MYBL2: variants seen among roughly 807,000 people sequenced by gnomAD.
The protein encoded by MYBL2 is MYB proto-oncogene like 2.
Under a neutral mutation model 79.9 loss-of-function variants are expected in MYBL2, and 28 were observed. That is an observed-to-expected ratio of 0.35 (90% CI 0.26 to 0.48). The LOEUF (loss-of-function observed/expected upper bound fraction) is 0.48, where lower values mean the gene tolerates loss of function less well. MYBL2 is among the 20% of genes least tolerant of loss of function. MYBL2 has a pLI of 0.99. For missense variants in MYBL2, 735 were observed against 893.9 expected, an observed-to-expected ratio of 0.82 and a Z score of 2.27; for synonymous variants, 378 against 361.2, an observed-to-expected ratio of 1.05 and a Z score of -0.53.
At chr20:43,680,581 TC>T (rs1443265660) in intron 2 of MYBL2, among the ~76,000 whole-genome samples, 3 of 152,132 alleles carry the variant, frequency 2.0e-5, no homozygotes, top group African/African-American at 7.2e-5. Context: ...CACTGCAACC[TC>T]CGCCTCCCAG....
At chr20:43,695,599 C>T (rs1351433507) in intron 6 of MYBL2, among the ~76,000 whole-genome samples, 1 of 151,980 alleles carries the variant, frequency 6.6e-6, no homozygotes, top group Non-Finnish European at 1.5e-5. Flanking sequence ...TTCCTGTAAT[C>T]CCAGCACTTT....
intron 6 of MYBL2, among the ~76,000 whole-genome samples, chr20:43,695,917 C>T (rs757582884): frequency 4.6e-5 from 7 of 152,024 alleles, no homozygotes; most frequent in Admixed American, 6.6e-5. Flanking sequence ...GGCTGAGGCA[C>T]GATAATTGAG....
At chr20:43,715,869 A>T in intron 13 of MYBL2, 90 bp from the exon 14 acceptor site, 1 of 1,480,826 alleles carries the variant, frequency 6.8e-7, no homozygotes, top group Admixed American at 2.3e-5. Context: ...AGGGAGGCTT[A>T]TAACTCTACC....
chr20:43,681,898 C>G (rs779801129), intron 3 of MYBL2, 43 bp downstream of exon 3: 1 of 1,599,018 alleles, frequency 6.3e-7, no homozygotes, highest in South Asian at 1.1e-5. Context: ...GGCAAGGGCT[C>G]TGGGAGAACA....
At chr20:43,680,397 T>G (rs1436782072) in intron 2 of MYBL2, among the ~76,000 whole-genome samples, 1 of 152,262 alleles carries the variant, frequency 6.6e-6, no homozygotes, top group African/African-American at 2.4e-5. Context: ...GCTATTTGAC[T>G]TAGCATAGTG....
At chr20:43,668,188 T>C (rs1232664322) in intron 1 of MYBL2, among the ~76,000 whole-genome samples, 1 of 133,938 alleles carries the variant, frequency 7.5e-6, no homozygotes, top group East Asian at 2.2e-4. Context: ...ATAACCTTCG[T>C]TCCCTCTTTT....
intron 2 of MYBL2, among the ~76,000 whole-genome samples, chr20:43,676,879 T>G (rs550056652): frequency 1.4e-5 from 2 of 138,822 alleles, no homozygotes; most frequent in South Asian, 2.2e-4. Context: ...TAGGATTGGG[T>G]TTTTTTTTTT....
intron 6 of MYBL2, among the ~76,000 whole-genome samples, chr20:43,693,892 A>G (rs192970492): frequency 2.6e-5 from 4 of 152,240 alleles, no homozygotes; most frequent in Non-Finnish European, 5.9e-5. Context: ...TTCTATAAAA[A>G]GGAAAATTAG....
At chr20:43,673,963 G>T (rs933890834) in intron 2 of MYBL2, 64 bp downstream of exon 2, 2 of 1,382,232 alleles carry the variant, frequency 1.4e-6, no homozygotes, top group Non-Finnish European at 2.0e-6. Context: ...ACTGAGCCTG[G>T]AGTGTATTTG....
chr20:43,705,374 C>T lies in MYBL2; in HGVS notation c.1505+16C>T, dbSNP rs754453764. 6 of 1,587,394 alleles carry T rather than the reference C, an allele frequency of 3.8e-6. No individual in the cohort carries two copies. The highest frequency in any genetic ancestry group is 5.2e-6 in the Non-Finnish European group (6 of 1,163,846). On this transcript the variant is annotated intron_variant, in intron 9 of 13. Transcript: ENST00000217026. ...AACATGCTGCGTGAGTGCTGCAGTGCCCCCAACCTTCGCCGTCCTCTCCCT... is the reference window on the plus strand; with the variant it reads ...AACATGCTGCGTGAGTGCTGCAGTGTCCCCAACCTTCGCCGTCCTCTCCCT...
At chr20:43,668,596 G>C (rs1986780786) in intron 1 of MYBL2, among the ~76,000 whole-genome samples, 1 of 151,884 alleles carries the variant, frequency 6.6e-6, no homozygotes, top group South Asian at 2.1e-4. Flanking sequence ...AGGGATCTGA[G>C]CACAGGGACT....
intron 5 of MYBL2, among the ~76,000 whole-genome samples, chr20:43,690,214 T>G (rs1987374784): frequency 6.6e-6 from 1 of 151,830 alleles, no homozygotes; most frequent in Non-Finnish European, 1.5e-5. Flanking sequence ...TTGTTTGTTT[T>G]TTGTTTTTTG....
chr20:43,686,796 T>C, intron 4 of MYBL2, 56 bp from the exon 5 acceptor site: 1 of 1,545,202 alleles, frequency 6.5e-7, no homozygotes, highest in Non-Finnish European at 8.9e-7. Flanking sequence ...TGAAGGGCTA[T>C]GGTGGGGGCG....
rs562760220 is a variant in MYBL2 at position 43,711,006 on chromosome 20, C to T, written c.1606-482C>T. Among the ~76,000 whole-genome samples, 38 of 152,300 alleles carry T rather than the reference C, an allele frequency of 2.5e-4. 1 individual carries two copies. The highest frequency in any genetic ancestry group is 4.6e-4 in the Non-Finnish European group (31 of 68,032). ...CGCACCTTTCACTCTTAGTAGCACT[C>T]GCCCTCCCCTGTTCTCTGTTGCCTG... On this transcript the variant is annotated intron_variant, in intron 10 of 13. Transcript: ENST00000217026.
chr20:43,715,858 G>A (rs1988019299), intron 13 of MYBL2, 101 bp from the exon 14 acceptor site: 6 of 1,427,628 alleles, frequency 4.2e-6, no homozygotes, highest in South Asian at 1.4e-5. Flanking sequence ...GCTTCTAGGG[G>A]AGGGAGGCTT....
At chr20:43,681,762 C>G in intron 2 of MYBL2, 22 bp from the exon 3 acceptor site, 9 of 1,614,090 alleles carry the variant, frequency 5.6e-6, no homozygotes, top group Non-Finnish European at 7.6e-6. Context: ...GTGCTGAGCC[C>G]CTGTCTTTCT....
intron 5 of MYBL2, 110 bp from the exon 6 acceptor site, chr20:43,692,047 G>T (rs1224997568): frequency 1.0e-6 from 1 of 984,578 alleles, no homozygotes; most frequent in Non-Finnish European, 1.5e-6. Context: ...TTCATCTAGT[G>T]GAAGATTCAT....
chr20:43,715,105 G>A, intron 12 of MYBL2, 29 bp from the exon 13 acceptor site: 2 of 1,610,290 alleles, frequency 1.2e-6, no homozygotes, highest in South Asian at 1.1e-5. Flanking sequence ...TCGCAAAATG[G>A]TGACTCCTTG....
At chr20:43,679,547 T>C (rs1328457159) in intron 2 of MYBL2, among the ~76,000 whole-genome samples, 2 of 151,998 alleles carry the variant, frequency 1.3e-5, no homozygotes, top group Non-Finnish European at 2.9e-5. Context: ...AGCGGGAGGA[T>C]TGCCTGAGTG....
Sources: gnomAD v4.1 joint callset for allele counts (sites outside exome capture counted in the v4.1 genomes callset) on GRCh38, gnomAD v4.1.1 for gene constraint, MANE v1.5 for transcripts, NCBI Gene and HGNC (gene_info 2026-07-23, HGNC 2026-07-21) for gene names.